Variants in CENPC observed in about 807,000 individuals in gnomAD.
The protein encoded by CENPC is centromere protein C, also known as CENP-C 1.
CENPC carries 63 observed loss-of-function variants against 112.1 expected under a neutral mutation model. The observed-to-expected ratio is 0.56, with a 90% CI of 0.46 to 0.69. CENPC has a LOEUF of 0.69. Ranked by LOEUF, CENPC falls within the 30% of genes least tolerant of loss-of-function variation. CENPC has a pLI of 0.00. For missense variants in CENPC, 1,000 were observed against 1,103.8 expected, an observed-to-expected ratio of 0.91 and a Z score of 1.33; for synonymous variants, 333 against 367.6, an observed-to-expected ratio of 0.91 and a Z score of 1.08.
chr4:67,493,102 T>G, intron 14 of CENPC, 105 bp from the exon 15 acceptor site: 1 of 880,970 alleles, frequency 1.1e-6, no homozygotes, highest in Non-Finnish European at 1.7e-6. Context: ...TACCAAAGAA[T>G]ATATGTCTGC....
rs1725610343 is a variant in CENPC at position 67,502,242 on chromosome 4, T to C, written c.2131+2963A>G. On this transcript the variant is annotated intron_variant, in intron 12 of 18. Coordinates refer to ENST00000273853, the MANE Select transcript of CENPC (RefSeq NM_001812.4). ...AATATGTGAGAATGTCTACCAACTT[T>C]ACAAAGAAGTAACAAGTATATCTGT... 2.6e-5 allele frequency among the ~76,000 whole-genome samples: 4 copies of C among 152,096 alleles called. No homozygotes were observed. The South Asian group carries it at 8.3e-4, about 32-fold the overall frequency.
chr4:67,507,846 CAATAA>C (rs748425162), intron 10 of CENPC, among the ~76,000 whole-genome samples: 1 of 151,964 alleles, frequency 6.6e-6, no homozygotes, highest in African/African-American at 2.4e-5. Flanking sequence ...TCCAGCAACA[CAATAA>C]AATAAAAGAG....
At chr4:67,538,517 C>A (rs930955388) in intron 4 of CENPC, among the ~76,000 whole-genome samples, 2 of 152,156 alleles carry the variant, frequency 1.3e-5, no homozygotes, top group African/African-American at 4.8e-5. Flanking sequence ...TCTGATCACC[C>A]ATTTCCAGAT....
At chr4:67,487,316 TGTAGTA>T (rs566977968) in intron 17 of CENPC, among the ~76,000 whole-genome samples, 5 of 151,754 alleles carry the variant, frequency 3.3e-5, no homozygotes, top group African/African-American at 7.3e-5. Flanking sequence ...AAATTTTTGT[TGTAGTA>T]GTAGTAGTAG....
At chr4:67,488,499 G>A (rs1024488998) in intron 17 of CENPC, among the ~76,000 whole-genome samples, 1 of 151,730 alleles carries the variant, frequency 6.6e-6, no homozygotes, top group Non-Finnish European at 1.5e-5. Context: ...CAGGTTACAG[G>A]GTATGAATAC....
intron 5 of CENPC, among the ~76,000 whole-genome samples, chr4:67,525,749 G>C (rs780827390): frequency 3.9e-5 from 6 of 152,174 alleles, no homozygotes; most frequent in Non-Finnish European, 7.3e-5. Context: ...CAACCATTGT[G>C]GAAGACAGTG....
At chr4:67,498,216 T>C (rs773135440) in intron 12 of CENPC, among the ~76,000 whole-genome samples, 5 of 152,078 alleles carry the variant, frequency 3.3e-5, no homozygotes, top group South Asian at 2.1e-4. Flanking sequence ...GCCTGGGTAT[T>C]AGAGCAAGCC....
chr4:67,509,207 TACAC>T (rs36207189), intron 9 of CENPC, 102 bp from the exon 10 acceptor site: 30,445 of 481,100 alleles, frequency 0.063, 382 homozygotes, highest in African/African-American at 0.09. Context: ...CATATACACA[TACAC>T]ACACACACAC....
chr4:67,539,464 A>G (rs1390633015), intron 4 of CENPC, among the ~76,000 whole-genome samples: 1 of 152,186 alleles, frequency 6.6e-6, no homozygotes, highest in Non-Finnish European at 1.5e-5. Context: ...TAAAATATAT[A>G]ATCAACAGAA....
At chr4:67,509,275 T>A (rs1458124510) in intron 9 of CENPC, among the ~76,000 whole-genome samples, 170 bp from the exon 10 acceptor site, 1 of 150,484 alleles carries the variant, frequency 6.6e-6, no homozygotes, top group African/African-American at 2.4e-5. Flanking sequence ...TAAATTTATT[T>A]CCAAATTAAA....
chr4:67,506,070 C>T (rs1725724076), intron 11 of CENPC, among the ~76,000 whole-genome samples: 2 of 152,086 alleles, frequency 1.3e-5, no homozygotes, highest in African/African-American at 2.4e-5. Context: ...CATAACCTCA[C>T]AAATAGTAAA....
intron 17 of CENPC, among the ~76,000 whole-genome samples, chr4:67,484,739 TATTA>T (rs1725047159): frequency 6.6e-6 from 1 of 152,188 alleles, no homozygotes. Context: ...TGTTTTTCCT[TATTA>T]CTTACTGGCT....
At chr4:67,537,960 G>C (rs1332647851) in intron 4 of CENPC, among the ~76,000 whole-genome samples, 1 of 151,924 alleles carries the variant, frequency 6.6e-6, no homozygotes, top group Admixed American at 6.6e-5. Flanking sequence ...CTCCATCCTG[G>C]GCTAAAGAGT....
rs374045875 is a variant in CENPC, at chr4:67,514,178, G to A, written c.1340C>T (p.Ser447Leu). 6.4e-5 allele frequency: 104 copies of A among 1,612,466 alleles called. No homozygotes were observed. Among genetic ancestry groups the A allele is most frequent in the Non-Finnish European group, 8.6e-5 (101 of 1,179,416 alleles). Reference sequence around the variant, plus strand: ...TTGAAATTCGTCTTGGGTAATATGTGATGTATGTATGTTTTCATCTTTAGA... The same window carrying A: ...TTGAAATTCGTCTTGGGTAATATGTAATGTATGTATGTTTTCATCTTTAGA... ...GQSKDENIHT[S>L]HITQDEFQRN... The change falls in exon 8 of 19, where the codon TCA becomes TTA. Residue 447 changes from serine (S) to leucine (L), a missense_variant. Coordinates refer to ENST00000273853, the MANE Select transcript of CENPC (RefSeq NM_001812.4).
At chr4:67,492,131 T>C (rs1045146267) in intron 16 of CENPC, 49 bp downstream of exon 16, 1 of 1,217,186 alleles carries the variant, frequency 8.2e-7, no homozygotes, top group Non-Finnish European at 1.2e-6. Context: ...AGCAATATTT[T>C]CTTACAAATT....
intron 7 of CENPC, among the ~76,000 whole-genome samples, chr4:67,515,845 T>C (rs1295889102): frequency 6.6e-6 from 1 of 151,962 alleles, no homozygotes; most frequent in Non-Finnish European, 1.5e-5. Context: ...GCAAGTCTTA[T>C]CACAAAGCAT....
intron 2 of CENPC, among the ~76,000 whole-genome samples, chr4:67,542,913 C>G (rs995530700): frequency 1.3e-5 from 2 of 152,150 alleles, no homozygotes; most frequent in East Asian, 3.9e-4. Context: ...TGCAGAGTCA[C>G]TATTAGAACG....
At chr4:67,511,028 G>A in intron 9 of CENPC, 1 of 456,066 alleles carries the variant, frequency 2.2e-6, no homozygotes, top group Non-Finnish European at 4.4e-6. Context: ...CAGGCAACCT[G>A]GGGCAGAAAA....
Position 67,514,377 on chromosome 4 carries a change from G to A in CENPC, c.1141C>T (p.Leu381=). 1 of 1,613,226 alleles carries A rather than the reference G, an allele frequency of 6.2e-7. No homozygotes were observed. Among genetic ancestry groups the A allele is most frequent in the Non-Finnish European group, 8.5e-7 (1 of 1,179,374 alleles). Reference sequence around the variant, plus strand: ...CCTATCAAAGCATAACTTGTATCCAGTACTGTTTTATCAGAGGGCTGAGAT... The same window carrying A: ...CCTATCAAAGCATAACTTGTATCCAATACTGTTTTATCAGAGGGCTGAGAT... ...ETSQPSDKTV[L]DTSYALIGET... Residue 381 remains leucine, a synonymous_variant, in exon 8 of 19, where the codon CTG becomes TTG. Coordinates refer to ENST00000273853, the MANE Select transcript of CENPC (RefSeq NM_001812.4).
Sources: allele counts gnomAD v4.1 joint callset (sites outside exome capture counted in the v4.1 genomes callset), GRCh38; gene constraint gnomAD v4.1.1; transcripts MANE v1.5; gene names NCBI Gene and HGNC (gene_info 2026-07-23, HGNC 2026-07-21).